RFC3: variants seen among roughly 807,000 people sequenced by gnomAD.
The protein encoded by RFC3 is replication factor C subunit 3.
RFC3 carries 41 observed loss-of-function variants against 45.1 expected under a neutral mutation model. That is an observed-to-expected ratio of 0.91 (90% CI 0.71 to 1.18). The LOEUF (loss-of-function observed/expected upper bound fraction) is 1.18, where lower values mean the gene tolerates loss of function less well. Among genes scored for constraint, RFC3 ranks in the 50% most tolerant of loss-of-function variants. The pLI is 0.00. For missense variants in RFC3, 423 were observed against 428.1 expected (o/e 0.99, Z 0.10); for synonymous variants, 149 against 144.0 (o/e 1.03, Z -0.25).
At chr13:33,831,184 GGTTGGGGACTCCT>G (rs2082099812) in intron 6 of RFC3, 59 bp from the exon 7 acceptor site, 11 of 933,588 alleles carry the variant, frequency 1.2e-5, no homozygotes, top group Non-Finnish European at 1.9e-5. Flanking sequence ...ACGGACCAGT[GGTTGGGGACTCCT>G]GTTTTAGGAC....
At chr13:33,822,417 T>C (rs2139380237) in intron 2 of RFC3, among the ~76,000 whole-genome samples, 1 of 152,338 alleles carries the variant, frequency 6.6e-6, no homozygotes, top group South Asian at 2.1e-4. Flanking sequence ...TCCGTCCATA[T>C]GGAACGGTAC....
intron 8 of RFC3, among the ~76,000 whole-genome samples, chr13:33,851,949 T>C (rs117799003): frequency 0.015 from 2,349 of 152,302 alleles, 19 homozygotes; most frequent in Non-Finnish European, 0.025. Context: ...CTTTCAGATA[T>C]CAAATTTTAT....
chr13:33,956,125 T>C (rs2083020472), intron 8 of RFC3, among the ~76,000 whole-genome samples: 1 of 152,192 alleles, frequency 6.6e-6, no homozygotes, highest in Admixed American at 6.5e-5. Context: ...TGTCCACCAA[T>C]GTGTTAAAAA....
chr13:33,973,504 A>G, the RFC3 span, among the ~76,000 whole-genome samples: 1 of 152,154 alleles, frequency 6.6e-6, no homozygotes, highest in African/African-American at 2.4e-5. Flanking sequence ...GAGGCTTGGA[A>G]ACACATTTTG....
chr13:33,890,440 G>A (rs1233690334), intron 8 of RFC3, among the ~76,000 whole-genome samples: 1 of 152,062 alleles, frequency 6.6e-6, no homozygotes, highest in Non-Finnish European at 1.5e-5. Flanking sequence ...GACTAGAAGG[G>A]ATTATATCCT....
At chr13:33,922,777 G>A (rs146852876) in intron 8 of RFC3, among the ~76,000 whole-genome samples, 49 of 152,276 alleles carry the variant, frequency 3.2e-4, no homozygotes, top group Admixed American at 6.5e-4. Context: ...TAGAGCCAGA[G>A]TTCAAACCCA....
chr13:33,845,115 C>T lies in RFC3; in HGVS notation c.879+9898C>T, dbSNP rs367602231. 7.9e-5 allele frequency among the ~76,000 whole-genome samples: 12 copies of T among 152,262 alleles called. No homozygotes were observed. The South Asian group carries it at 2.3e-3, about 29-fold the overall frequency. On this transcript the variant is annotated intron_variant, in intron 8 of 8. Transcript: ENST00000434425. ...AATATGCCATGCCACTCTTTCCTGC[C>T]TGTAAGATTTCCATAGTGAAATCTG...
At chr13:33,894,744 C>T (rs1320713469) in intron 8 of RFC3, among the ~76,000 whole-genome samples, 1 of 152,002 alleles carries the variant, frequency 6.6e-6, no homozygotes, top group African/African-American at 2.4e-5. Context: ...TCACATTGCC[C>T]AACTTCAAAT....
chr13:33,874,698 C>T (rs1003656530), intron 8 of RFC3, among the ~76,000 whole-genome samples: 1 of 152,194 alleles, frequency 6.6e-6, no homozygotes, highest in African/African-American at 2.4e-5. Context: ...GCTGTAAATC[C>T]AACTGAGAAT....
At chr13:33,965,582 C>T (rs898848410) in intron 8 of RFC3, among the ~76,000 whole-genome samples, 2 of 152,020 alleles carry the variant, frequency 1.3e-5, no homozygotes, top group East Asian at 1.9e-4. Context: ...GTTCCTCACA[C>T]GGGTATTGTG....
At chr13:33,830,637 A>T (rs1331293216) in intron 5 of RFC3, 82 bp from the exon 6 acceptor site, 4 of 1,105,082 alleles carry the variant, frequency 3.6e-6, no homozygotes, top group Non-Finnish European at 5.2e-6. Flanking sequence ...ATACAGTTAT[A>T]AGGGTCTAGG....
intron 8 of RFC3, among the ~76,000 whole-genome samples, chr13:33,875,528 G>T (rs918846634): frequency 2.0e-5 from 3 of 152,152 alleles, no homozygotes; most frequent in Non-Finnish European, 2.9e-5. Flanking sequence ...GTAGACAATG[G>T]TAAAGAGTTG....
intron 8 of RFC3, among the ~76,000 whole-genome samples, chr13:33,938,119 A>G (rs1490955942): frequency 2.7e-5 from 4 of 147,214 alleles, no homozygotes; most frequent in African/African-American, 7.5e-5. Flanking sequence ...CAAATGTCCT[A>G]AGGAATATTC....
chr13:33,929,221 A>C (rs2082836458), intron 8 of RFC3, among the ~76,000 whole-genome samples: 1 of 152,118 alleles, frequency 6.6e-6, no homozygotes, highest in Non-Finnish European at 1.5e-5. Context: ...TGAGGTGGCA[A>C]GAGAAGAAGA....
intron 8 of RFC3, among the ~76,000 whole-genome samples, chr13:33,939,478 A>G (rs2082910238): frequency 6.6e-6 from 1 of 151,746 alleles, no homozygotes; most frequent in African/African-American, 2.4e-5. Flanking sequence ...TCTCTGTGTG[A>G]CTCCCTCGCT....
At chr13:33,956,160 G>C (rs1356608691) in intron 8 of RFC3, among the ~76,000 whole-genome samples, 1 of 152,068 alleles carries the variant, frequency 6.6e-6, no homozygotes, top group East Asian at 1.9e-4. Flanking sequence ...GCCTCCTCTT[G>C]GAAAGACACA....
chr13:33,916,194 C>T (rs920790907), intron 8 of RFC3, among the ~76,000 whole-genome samples: 1 of 152,174 alleles, frequency 6.6e-6, no homozygotes, highest in African/African-American at 2.4e-5. Context: ...TTGCAGGTGC[C>T]TGCCATTTGC....
Position 33,938,091 on chromosome 13 carries a change from T to G in RFC3, c.880-27996T>G, listed in dbSNP as rs1359084183. 2.7e-5 allele frequency among the ~76,000 whole-genome samples: 4 copies of G among 146,028 alleles called. No individual in the cohort carries two copies. The Admixed American group carries it at 2.9e-4, about 10-fold the overall frequency. ...CTCCTCTCCCTCAAATCCCTCCCACTAAGTCCAAGGATGTTTGCAAATGTC... is the reference window on the plus strand; with the variant it reads ...CTCCTCTCCCTCAAATCCCTCCCACGAAGTCCAAGGATGTTTGCAAATGTC... On this transcript the variant is annotated intron_variant, in intron 8 of 8. Coordinates refer to the RFC3 transcript ENST00000434425.
At chr13:33,878,689 C>T (rs2137588956) in intron 8 of RFC3, among the ~76,000 whole-genome samples, 1 of 152,144 alleles carries the variant, frequency 6.6e-6, no homozygotes, top group South Asian at 2.1e-4. Flanking sequence ...ACAGGATGTT[C>T]AGAGCTGTTG....
Sources: allele counts gnomAD v4.1 joint callset (sites outside exome capture counted in the v4.1 genomes callset), GRCh38; gene constraint gnomAD v4.1.1; transcripts MANE v1.5; gene names NCBI Gene and HGNC (gene_info 2026-07-23, HGNC 2026-07-21).